LBHD1: variants seen among roughly 807,000 people sequenced by gnomAD.
The protein encoded by LBHD1 is LBH domain-containing protein 1.
Under a neutral mutation model 31.1 loss-of-function variants are expected in LBHD1, and 28 were observed. The observed-to-expected ratio is 0.90, with a 90% CI of 0.67 to 1.24. The LOEUF (loss-of-function observed/expected upper bound fraction) is 1.24, where lower values mean the gene tolerates loss of function less well. Among genes scored for constraint, LBHD1 ranks in the 50% most tolerant of loss-of-function variants. The probability of loss-of-function intolerance (pLI) is 0.00; values close to 1 mark genes in which losing one functional copy is unlikely to be tolerated. For missense variants in LBHD1, 350 were observed against 323.0 expected, an observed-to-expected ratio of 1.08 and a Z score of -0.64; for synonymous variants, 105 against 116.5, an observed-to-expected ratio of 0.90 and a Z score of 0.63.
At chr11:62,664,082 G>GAAAA (rs71056540) in intron 5 of LBHD1, among the ~76,000 whole-genome samples, 2 of 65,930 alleles carry the variant, frequency 3.0e-5, no homozygotes, top group African/African-American at 6.1e-5. Flanking sequence ...CAAAAAAGAG[G>GAAAA]AAAAAAAAAA....
chr11:62,667,343 C>G, intron 4 of LBHD1, 180 bp downstream of exon 4: 1 of 672,424 alleles, frequency 1.5e-6, no homozygotes, highest in East Asian at 2.7e-5. Flanking sequence ...CTAACTGGAG[C>G]TCCTAAAAGC....
chr11:62,665,291 G>T, intron 4 of LBHD1: 1 of 717,108 alleles, frequency 1.4e-6, no homozygotes, highest in South Asian at 1.6e-5. Flanking sequence ...CTATATAAAG[G>T]AGCTCCGCGG....
At position 62,664,931 on chromosome 11, in the gene LBHD1, G is replaced by C; in HGVS notation, c.581C>G (p.Ser194Trp). 2.5e-6 allele frequency: 4 copies of C among 1,607,626 alleles called. No homozygotes were observed. The South Asian group carries it at 3.3e-5, about 13-fold the overall frequency. Residue 194 changes from serine (S) to tryptophan (W), a missense_variant, in exon 5 of 7, where the codon TCG (serine) becomes TGG (tryptophan). Physicochemically the swap from Ser to Trp is radical, Grantham distance 177. Coordinates refer to ENST00000354588, the MANE Select transcript of LBHD1 (RefSeq NM_024099.5). ...EAVQTPAGVESGAASEAPGGR... is the reference protein window; with the variant it reads ...EAVQTPAGVEWGAASEAPGGR... ...ACCCGGTGCCTCAGACGCCGCTCCC[G>C]ATTCAACACCCGCCGGCGTTTGAAC...
chr11:62,668,117 C>A lies in LBHD1; in HGVS notation c.314-370G>T, dbSNP rs906657874. On this transcript the variant is annotated intron_variant, in intron 3 of 6. Transcript: ENST00000354588. Reference sequence around the variant, plus strand: ...TATCACTAAGAGCCTAACCTCGCAGCCTCAATTTTCTCATTTATAAAGGGG... The same window carrying A: ...TATCACTAAGAGCCTAACCTCGCAGACTCAATTTTCTCATTTATAAAGGGG... 7.0e-4 allele frequency: 130 copies of A among 186,912 alleles called. 1 individual carries two copies. The highest frequency in any genetic ancestry group is 2.2e-4 in the Non-Finnish European group (19 of 87,748). The allele number at this position is 186,912 out of a possible 1,614,324, so 11.6% of individuals were successfully genotyped here. A position where few individuals can be genotyped will look rare whatever the true frequency, so the allele number is the denominator to read the frequency against.
chr11:62,665,225 G>A, intron 4 of LBHD1: 3 of 778,936 alleles, frequency 3.9e-6, no homozygotes, highest in Non-Finnish European at 6.6e-6. Flanking sequence ...CCGGATCCGC[G>A]GGGCTCCGCC....
intron 5 of LBHD1, among the ~76,000 whole-genome samples, chr11:62,663,923 A>C (rs1256385862): frequency 3.4e-5 from 5 of 147,880 alleles, no homozygotes; most frequent in African/African-American, 1.2e-4. Context: ...AAATACAAAA[A>C]TTAGCCGGGT....
At chr11:62,667,062 G>C (rs1268445912) in intron 4 of LBHD1, 1 of 1,582,444 alleles carries the variant, frequency 6.3e-7, no homozygotes, top group East Asian at 2.2e-5. Flanking sequence ...AGACATTTTA[G>C]TAGTCCTGAC....
At chr11:62,665,516 T>A in intron 4 of LBHD1, 1 of 1,570,574 alleles carries the variant, frequency 6.4e-7, no homozygotes, top group Non-Finnish European at 8.6e-7. Flanking sequence ...GCGTCATGTC[T>A]TCGGTGCTGG....
chr11:62,663,259 T>A lies in LBHD1; in HGVS notation c.738A>T (p.Pro246=). The A allele has an allele frequency of 6.2e-7, 1 of 1,614,210 alleles. No individual in the cohort carries two copies. The highest frequency in any genetic ancestry group is 8.5e-7 in the Non-Finnish European group (1 of 1,180,032). ...QKTPPADPAC[P]EREDSHGSGS... The stretch of plus-strand genomic sequence containing the variant: ...ACCTTCCATGGCTGTCTTCTCTTTC[T>A]GGGCAAGCCGGATCTGCTGGAGGAG... The change falls in exon 6 of 7, where the codon CCA becomes CCT. Residue 246 remains proline, a synonymous_variant. Coordinates refer to ENST00000354588, the MANE Select transcript of LBHD1 (RefSeq NM_024099.5).
intron 4 of LBHD1, 117 bp from the exon 5 acceptor site, chr11:62,665,090 G>A: frequency 6.9e-7 from 1 of 1,452,308 alleles, no homozygotes. Context: ...AAGGGCTCAG[G>A]AACGCTTGAG....
intron 4 of LBHD1, 193 bp downstream of exon 4, chr11:62,667,330 C>G: frequency 1.5e-6 from 1 of 661,448 alleles, no homozygotes; most frequent in Non-Finnish European, 2.6e-6. Flanking sequence ...TCCCCAGTTT[C>G]AACTAACTGG....
intron 1 of LBHD1, chr11:62,671,102 AAAAC>A (rs955764812): frequency 8.6e-6 from 3 of 348,044 alleles, no homozygotes; most frequent in African/African-American, 2.1e-5. Flanking sequence ...CTTGTCTCCA[AAAAC>A]AAACAAAACC....
intron 4 of LBHD1, chr11:62,665,721 C>G: frequency 6.8e-7 from 1 of 1,463,402 alleles, no homozygotes; most frequent in Non-Finnish European, 9.0e-7. Context: ...AGTCTGTGTC[C>G]GCGTTCTTTT....
chr11:62,666,556 TCTGCGAGTGCTGGATGTGGG>T, intron 4 of LBHD1: 1 of 1,614,172 alleles, frequency 6.2e-7, no homozygotes, highest in South Asian at 1.1e-5. Context: ...CTGCCAGTCC[TCTGCGAGTGCTGGATGTGGG>T]CTGTGGGACT....
chr11:62,665,716 G>A, intron 4 of LBHD1: 5 of 1,462,606 alleles, frequency 3.4e-6, no homozygotes, highest in East Asian at 2.5e-5. Context: ...ACCATAGTCT[G>A]TGTCCGCGTT....
chr11:62,667,221 A>G, intron 4 of LBHD1: 2 of 698,568 alleles, frequency 2.9e-6, no homozygotes, highest in South Asian at 1.9e-5. Context: ...ACTCATCTGC[A>G]GAGTGAGAAT....
intron 4 of LBHD1, chr11:62,666,197 G>A (rs752013474): frequency 3.5e-5 from 25 of 717,992 alleles, no homozygotes; most frequent in African/African-American, 2.0e-4. Context: ...AAAATTAACC[G>A]GGCACGATGG....
Position 62,665,863 on chromosome 11 carries a change from C to A in LBHD1, c.539-890G>T, listed in dbSNP as rs1460774120. On this transcript the variant is annotated intron_variant, in intron 4 of 6. Transcript: ENST00000354588. ...CTTCACATAAGCTTCTCTGGTCGAA[C>A]TTACCCGAATCTCCAGATGGCCGCG... 5 of 1,612,100 alleles carry A rather than the reference C, an allele frequency of 3.1e-6. No homozygotes were observed. The African/African-American group carries it at 6.7e-5, about 22-fold the overall frequency.
At chr11:62,665,763 C>T in intron 4 of LBHD1, 2 of 1,513,156 alleles carry the variant, frequency 1.3e-6, no homozygotes, top group Non-Finnish European at 8.9e-7. Context: ...GGAAGCTGTA[C>T]GCCGCCTTTC....
Sources: allele counts gnomAD v4.1 joint callset (sites outside exome capture counted in the v4.1 genomes callset), GRCh38; gene constraint gnomAD v4.1.1; transcripts MANE v1.5; gene names NCBI Gene and HGNC (gene_info 2026-07-23, HGNC 2026-07-21).